KCNN3: variants seen among roughly 807,000 people sequenced by gnomAD.
The protein encoded by KCNN3 is potassium calcium-activated channel subfamily N member 3.
In KCNN3, 16 loss-of-function variants were observed where a neutral mutation model predicts 62.9. That is an observed-to-expected ratio of 0.25 (90% confidence interval 0.17 to 0.39). The LOEUF is 0.39. Among genes scored for constraint, KCNN3 ranks in the 10% least tolerant of loss-of-function variants. The probability of loss-of-function intolerance (pLI) is 1.00; values close to 1 mark genes in which losing one functional copy is unlikely to be tolerated. For synonymous variants in KCNN3, 370 were observed against 389.2 expected, an observed-to-expected ratio of 0.95 and a Z score of 0.58; for missense variants, 599 against 949.4, an observed-to-expected ratio of 0.63 and a Z score of 4.85.
chr1:154,722,989 C>CAA (rs1700389569), intron 5 of KCNN3, among the ~76,000 whole-genome samples: 1 of 152,068 alleles, frequency 6.6e-6, no homozygotes, highest in South Asian at 2.1e-4. Flanking sequence ...CTCGGCCTCC[C>CAA]AAAGTGATGG....
Position 154,869,726 on chromosome 1 carries a change from T to TGCTGCTGCTGCTGCC in KCNN3, c.238_239insGGCAGCAGCAGCAGC (p.Gln79_Gln80insArgGlnGlnGlnGln), listed in dbSNP as rs746397332. ...GAGCTGAGACAGGGGATGCGGTGGC[T>TGCTGCTGCTGCTGCC]GCTGCTGCTGCTGCTGCTGCTGCTG... On this transcript the variant is annotated inframe_insertion, in exon 1 of 8. Transcript: ENST00000271915. The surrounding 1 kb of genome is among the most constrained non-coding windows in gnomAD (Gnocchi z 6.1). The TGCTGCTGCTGCTGCC allele has an allele frequency of 1.5e-6, 2 of 1,321,504 alleles. No individual in the cohort carries two copies. The highest frequency in any genetic ancestry group is 2.9e-5 in the South Asian group (2 of 69,230). The allele number at this position is 1,321,504 out of a possible 1,614,324, so 81.9% of individuals were successfully genotyped here.
intron 6 of KCNN3, among the ~76,000 whole-genome samples, chr1:154,714,486 TTTGTGTGAG>T (rs1163311722): frequency 1.3e-3 from 7 of 5,314 alleles, no homozygotes; most frequent in Admixed American, 2.7e-3. Flanking sequence ...GTGTGTGTGG[TTTGTGTGAG>T]GTGTGTGTGG....
intron 3 of KCNN3, among the ~76,000 whole-genome samples, chr1:154,768,625 C>T (rs1364635578): frequency 6.6e-6 from 1 of 152,204 alleles, no homozygotes; most frequent in African/African-American, 2.4e-5. Flanking sequence ...GACAAATCCC[C>T]TCGGGAGCTT....
chr1:154,869,935 C>T lies in KCNN3; in HGVS notation c.30G>A (p.Ser10=), dbSNP rs1290475271. MDTSGHFHD[S]GVGDLDEDPK... ...GGTCTTCATCCAAGTCCCCCACCCCCGAGTCATGGAAGTGCCCAGAAGTGT... is the reference window on the plus strand; with the variant it reads ...GGTCTTCATCCAAGTCCCCCACCCCTGAGTCATGGAAGTGCCCAGAAGTGT... Residue 10 remains serine (S), a synonymous_variant, in exon 1 of 8, where the codon TCG becomes TCA. Coordinates refer to ENST00000271915, the MANE Select transcript of KCNN3 (RefSeq NM_002249.6). This position sits in a 1 kb window ranked among gnomAD's most constrained non-coding sequence, Gnocchi z 6.1. 6 of 1,611,036 alleles carry T rather than the reference C, an allele frequency of 3.7e-6. No individual in the cohort carries two copies. The highest frequency in any genetic ancestry group is 2.7e-5 in the African/African-American group (2 of 74,806).
At chr1:154,748,088 G>A (rs1317917329) in intron 3 of KCNN3, among the ~76,000 whole-genome samples, 1 of 152,224 alleles carries the variant, frequency 6.6e-6, no homozygotes, top group African/African-American at 2.4e-5. Flanking sequence ...TGCTGAGAAA[G>A]CTGGTCAGAG....
In KCNN3 at chr1:154,848,210, G is replaced by C. The variant is rs1049701957; in HGVS notation, c.933+20822C>G. Among the ~76,000 whole-genome samples, 10 of 152,294 alleles carry C rather than the reference G, an allele frequency of 6.6e-5. No individual in the cohort carries two copies. The East Asian group carries it at 1.9e-3, about 29-fold the overall frequency. Reference sequence around the variant, plus strand: ...GCTGCTTGTCATTCTCCAAGAAAAGGCTGGGCTTTGAGCAGAGCAATGTGG... The same window carrying C: ...GCTGCTTGTCATTCTCCAAGAAAAGCCTGGGCTTTGAGCAGAGCAATGTGG... On this transcript the variant is annotated intron_variant, in intron 1 of 7. Transcript: ENST00000271915.
intron 3 of KCNN3, among the ~76,000 whole-genome samples, chr1:154,734,188 C>A (rs1700660290): frequency 6.6e-6 from 1 of 152,174 alleles, no homozygotes; most frequent in Non-Finnish European, 1.5e-5. Flanking sequence ...GGTGGCAGGG[C>A]TGGTGAAGGT....
intron 1 of KCNN3, among the ~76,000 whole-genome samples, chr1:154,847,911 C>T (rs1323960841): frequency 1.3e-5 from 2 of 152,244 alleles, no homozygotes; most frequent in Admixed American, 1.3e-4. Context: ...GGCAACTTGC[C>T]CAACTGCACA....
intron 3 of KCNN3, among the ~76,000 whole-genome samples, chr1:154,759,819 G>A (rs750376746): frequency 6.6e-6 from 1 of 152,122 alleles, no homozygotes; most frequent in Admixed American, 6.5e-5. Flanking sequence ...AAATAATTTG[G>A]AATAATTTGG....
At chr1:154,792,952 C>T (rs968800791) in intron 2 of KCNN3, among the ~76,000 whole-genome samples, 1 of 152,122 alleles carries the variant, frequency 6.6e-6, no homozygotes, top group Admixed American at 6.5e-5. Flanking sequence ...ATTTCCCCAC[C>T]CTTTTCATTT....
chr1:154,737,164 A>C (rs755825168), intron 3 of KCNN3: 86 of 418,682 alleles, frequency 2.1e-4, no homozygotes, highest in Non-Finnish European at 3.7e-4. Flanking sequence ...CATGTCACAA[A>C]CTCACATACT....
chr1:154,785,567 T>TTTTTC (rs1649243116), intron 2 of KCNN3, among the ~76,000 whole-genome samples: 1 of 79,140 alleles, frequency 1.3e-5, no homozygotes, highest in Admixed American at 1.9e-4. Context: ...AGCACTTTTC[T>TTTTTC]TTTTCTTTTT....
chr1:154,714,589 G>GTGGTGT (rs1700189189), intron 6 of KCNN3, among the ~76,000 whole-genome samples: 1 of 79,204 alleles, frequency 1.3e-5, no homozygotes, highest in Non-Finnish European at 2.6e-5. Context: ...TGGTGTGTAT[G>GTGGTGT]GTGTGTGTGA....
rs1434619791 is a variant in KCNN3 at position 154,726,042 on chromosome 1, A to G, written c.1591-16T>C. On this transcript the variant is annotated splice_polypyrimidine_tract_variant and intron_variant, in intron 4 of 7. Transcript: ENST00000271915. ...AGCCTGCACCCTGCGGGGGGACATCAAGAGGACCAGAGGGGAAAGAACATA... is the reference window on the plus strand; with the variant it reads ...AGCCTGCACCCTGCGGGGGGACATCGAGAGGACCAGAGGGGAAAGAACATA... 2 of 1,591,396 alleles carry G rather than the reference A, an allele frequency of 1.3e-6. No homozygotes were observed. Among genetic ancestry groups the G allele is most frequent in the Non-Finnish European group, 1.7e-6 (2 of 1,160,030 alleles).
rs961815434 is a variant in KCNN3, at chr1:154,710,677, G to C, written c.1900-2405C>G. Among the ~76,000 whole-genome samples the C allele has an allele frequency of 3.3e-5, 5 of 152,180 alleles. No homozygotes were observed. The East Asian group carries it at 9.6e-4, about 29-fold the overall frequency. The stretch of plus-strand genomic sequence containing the variant: ...GAAAGTTTGGTTTGCCCAAAAGTGG[G>C]CGAAGGATATGAACAGACACTTCTC... On this transcript the variant is annotated intron_variant, in intron 7 of 7. Coordinates refer to ENST00000271915, the MANE Select transcript of KCNN3 (RefSeq NM_002249.6).
In KCNN3 at chr1:154,806,867, G is replaced by C. The variant is rs796479196; in HGVS notation, c.1029+15222C>G. 5.3e-5 allele frequency among the ~76,000 whole-genome samples: 8 copies of C among 152,286 alleles called. 1 individual carries two copies. The highest frequency in any genetic ancestry group is 1.7e-4 in the African/African-American group (7 of 41,554). Reference sequence around the variant, plus strand: ...TTCCTGCGGTCCCTGAAATCGACCAGGGAGGTGAGGAAGGAAGCAGCCATT... The same window carrying C: ...TTCCTGCGGTCCCTGAAATCGACCACGGAGGTGAGGAAGGAAGCAGCCATT... On this transcript the variant is annotated intron_variant, in intron 2 of 7. Transcript: ENST00000271915.
At chr1:154,791,494 A>G (rs1348780960) in intron 2 of KCNN3, among the ~76,000 whole-genome samples, 1 of 152,122 alleles carries the variant, frequency 6.6e-6, no homozygotes, top group Non-Finnish European at 1.5e-5. Context: ...GAGAGTAAGC[A>G]ACCAGCCCAA....
chr1:154,772,399 G>A lies in KCNN3; in HGVS notation c.1030-6C>T. On this transcript the variant is annotated splice_region_variant and splice_polypyrimidine_tract_variant and intron_variant, in intron 2 of 7. Transcript: ENST00000271915. The surrounding 1 kb of genome is among the most constrained non-coding windows in gnomAD (Gnocchi z 5.6). The stretch of plus-strand genomic sequence containing the variant: ...CCATTGTCGATCACGAAGAGCTGGT[G>A]GGAGCAGAAAGTCCATTAGTGTGGC... The A allele has an allele frequency of 6.2e-7, 1 of 1,613,846 alleles. No individual in the cohort carries two copies. The highest frequency in any genetic ancestry group is 1.1e-5 in the South Asian group (1 of 91,010).
chr1:154,846,292 A>G (rs962722725), intron 1 of KCNN3, among the ~76,000 whole-genome samples: 24 of 152,134 alleles, frequency 1.6e-4, no homozygotes, highest in Non-Finnish European at 3.1e-4. Context: ...CCTGAGCCCC[A>G]AATCCATGCT....
Sources: gnomAD v4.1 joint callset for allele counts (sites outside exome capture counted in the v4.1 genomes callset) on GRCh38, gnomAD v4.1.1 for gene constraint, Gnocchi (gnomAD v3.1) non-coding constraint, MANE v1.5 for transcripts, NCBI Gene and HGNC (gene_info 2026-07-23, HGNC 2026-07-21) for gene names.